Variants in VWC2 observed in about 807,000 individuals in gnomAD.
VWC2 encodes brorin.
In VWC2, 14 loss-of-function variants were observed where a neutral mutation model predicts 29.8. The ratio of observed to expected loss-of-function variants is 0.47; its 90% CI spans 0.31 to 0.74. The LOEUF (loss-of-function observed/expected upper bound fraction) is 0.74. Ranked by LOEUF, VWC2 falls within the 30% of genes least tolerant of loss-of-function variation. The probability of loss-of-function intolerance (pLI) is 0.05; values close to 1 mark genes in which losing one functional copy is unlikely to be tolerated. For synonymous variants in VWC2, 213 were observed against 199.0 expected (o/e 1.07, Z -0.59); for missense variants, 457 against 459.8 (o/e 0.99, Z 0.05).
intron 2 of VWC2, among the ~76,000 whole-genome samples, chr7:49,788,762 G>A (rs971271135): frequency 6.8e-6 from 1 of 146,918 alleles, no homozygotes; most frequent in Non-Finnish European, 1.5e-5. Flanking sequence ...GGGTGTGGGG[G>A]TGTGAGAGAG....
chr7:49,776,011 C>G lies in VWC2; in HGVS notation c.576C>G (p.Cys192Trp). 6.5e-7 allele frequency: 1 copy of G among 1,544,558 alleles called. No homozygotes were observed. The highest frequency in any genetic ancestry group is 8.7e-7 in the Non-Finnish European group (1 of 1,149,540). The part of the protein sequence containing the change: ...EEGPLCAQPE[C>W]PRLHPRCIHV... ...GGCCGCTGTGCGCGCAGCCCGAGTG[C>G]CCGAGGCTGCACCCGCGCTGCATCC... Residue 192 changes from cysteine (C) to tryptophan (W), a missense_variant, in exon 2 of 4, where the codon TGC becomes TGG. This residue lies in a region of VWC2 where 185 missense variants were observed against 257.1 expected (regional missense o/e 0.72). Coordinates refer to ENST00000340652, the MANE Select transcript of VWC2 (RefSeq NM_198570.5).
chr7:49,839,835 G>A (rs1288623452), intron 3 of VWC2, among the ~76,000 whole-genome samples: 5 of 152,326 alleles, frequency 3.3e-5, no homozygotes, highest in South Asian at 2.1e-4. Context: ...AAATCGTGAC[G>A]TCCCATGTCT....
At chr7:49,789,462 T>C (rs1788415326) in intron 2 of VWC2, among the ~76,000 whole-genome samples, 2 of 152,070 alleles carry the variant, frequency 1.3e-5, no homozygotes, top group Non-Finnish European at 2.9e-5. Context: ...ATTACACACT[T>C]AGTTCATGGC....
intron 3 of VWC2, among the ~76,000 whole-genome samples, chr7:49,833,124 G>A (rs931959689): frequency 6.6e-6 from 1 of 152,206 alleles, no homozygotes; most frequent in African/African-American, 2.4e-5. Flanking sequence ...GAGAAAGGAA[G>A]GTTTCCAGGT....
chr7:49,872,073 T>C (rs980791063), intron 3 of VWC2, among the ~76,000 whole-genome samples: 7 of 151,628 alleles, frequency 4.6e-5, no homozygotes, highest in Non-Finnish European at 8.8e-5. Context: ...AGATGAATAA[T>C]ATATATTTAA....
intron 3 of VWC2, among the ~76,000 whole-genome samples, chr7:49,848,265 G>A (rs1284010626): frequency 1.3e-5 from 2 of 152,204 alleles, no homozygotes; most frequent in Admixed American, 6.5e-5. Flanking sequence ...TGTCCAGAGA[G>A]TGTCACCCTC....
intron 3 of VWC2, among the ~76,000 whole-genome samples, chr7:49,867,625 C>T (rs1790957239): frequency 6.6e-6 from 1 of 152,162 alleles, no homozygotes; most frequent in South Asian, 2.1e-4. Context: ...ACATCTGAGG[C>T]ATTCACCCTC....
At chr7:49,812,427 T>C (rs1409155473) in intron 3 of VWC2, among the ~76,000 whole-genome samples, 1 of 152,214 alleles carries the variant, frequency 6.6e-6, no homozygotes, top group South Asian at 2.1e-4. Context: ...TCCTTTATCT[T>C]TCCCCAGAGA....
rs1791354402 is a variant in VWC2 at position 49,875,294 on chromosome 7, C to T, written c.827-36740C>T. ...CTGAGGCAGGAGAATCGCCTGAACC[C>T]AGGAGATGGAGGTTGCAGTGAGCCA... On this transcript the variant is annotated intron_variant, in intron 3 of 3. Coordinates refer to ENST00000340652, the MANE Select transcript of VWC2 (RefSeq NM_198570.5). 3.1e-5 allele frequency among the ~76,000 whole-genome samples: 4 copies of T among 127,294 alleles called. No homozygotes were observed. The South Asian group carries it at 7.7e-4, about 25-fold the overall frequency. The allele number at this position is 127,294 out of a possible 152,430, so 83.5% of individuals were successfully genotyped here.
At position 49,775,710 on chromosome 7, in the gene VWC2, A is replaced by T. The variant is rs1788036316; in HGVS notation, c.275A>T (p.Lys92Met). The T allele has an allele frequency of 1.3e-6, 2 of 1,523,200 alleles. No individual in the cohort carries two copies. Among genetic ancestry groups the T allele is most frequent in the Admixed American group, 2.0e-5 (1 of 48,800 alleles). 94.4% of individuals were successfully genotyped at this position (1,523,200 alleles called of 1,614,324 possible). A position where few individuals can be genotyped will look rare whatever the true frequency, so the allele number is the denominator to read the frequency against. ...CTCGCCGGCCGTGAGCCGTGGAGCA[A>T]GCTGAAGCAGGCCTGGGTCTCCCAG... ...RGLAGREPWS[K>M]LKQAWVSQGG... is the part of the protein sequence containing the mutation. The change falls in exon 2 of 4, where the codon AAG becomes ATG. Residue 92 changes from lysine (K) to methionine (M), a missense_variant. By Grantham distance (95) the Lys-to-Met change is moderately conservative. This residue lies in a region of VWC2 where 272 missense variants were observed against 202.7 expected (regional missense o/e 1.34). Transcript: ENST00000340652.
At chr7:49,823,549 A>G (rs1304948539) in intron 3 of VWC2, among the ~76,000 whole-genome samples, 3 of 152,204 alleles carry the variant, frequency 2.0e-5, no homozygotes, top group Non-Finnish European at 4.4e-5. Flanking sequence ...ATAATTCCAA[A>G]TAAGAAGGTC....
chr7:49,894,956 A>T (rs1219934714), intron 3 of VWC2, among the ~76,000 whole-genome samples: 1 of 152,222 alleles, frequency 6.6e-6, no homozygotes, highest in Admixed American at 6.5e-5. Flanking sequence ...GGGATGGAAG[A>T]TGGCTCTTCC....
intron 3 of VWC2, among the ~76,000 whole-genome samples, chr7:49,875,865 C>G (rs922378010): frequency 6.6e-6 from 1 of 152,116 alleles, no homozygotes; most frequent in African/African-American, 2.4e-5. Context: ...CAAGAGAATC[C>G]TGCTTGGTTT....
chr7:49,821,339 G>C (rs1789257437), intron 3 of VWC2, among the ~76,000 whole-genome samples: 1 of 152,196 alleles, frequency 6.6e-6, no homozygotes, highest in Non-Finnish European at 1.5e-5. Context: ...AATAGTTACA[G>C]TAAGAAGAGG....
chr7:49,873,491 A>T (rs1791262698), intron 3 of VWC2, among the ~76,000 whole-genome samples: 1 of 152,176 alleles, frequency 6.6e-6, no homozygotes, highest in African/African-American at 2.4e-5. Context: ...ATTTCAACAT[A>T]TGAAATCTGG....
At chr7:49,853,393 T>C (rs1248372400) in intron 3 of VWC2, among the ~76,000 whole-genome samples, 1 of 152,218 alleles carries the variant, frequency 6.6e-6, no homozygotes, top group Middle Eastern at 3.2e-3. Context: ...CCTCAGGAGA[T>C]GCTGGCAGCC....
At chr7:49,806,357 A>C (rs1012418406) in intron 3 of VWC2, among the ~76,000 whole-genome samples, 1 of 152,248 alleles carries the variant, frequency 6.6e-6, no homozygotes, top group Non-Finnish European at 1.5e-5. Flanking sequence ...GGACTTTGTC[A>C]GAATTAGCTG....
chr7:49,787,098 C>T (rs1788316558), intron 2 of VWC2, among the ~76,000 whole-genome samples: 1 of 152,106 alleles, frequency 6.6e-6, no homozygotes, highest in African/African-American at 2.4e-5. Flanking sequence ...AGTTCTCAGC[C>T]ACTCACCAAG....
intron 3 of VWC2, among the ~76,000 whole-genome samples, chr7:49,815,875 T>C (rs931131701): frequency 1.2e-4 from 19 of 152,208 alleles, no homozygotes; most frequent in Admixed American, 6.5e-5. Flanking sequence ...CATCCTTTGC[T>C]GTACGCCACA....
Sources: gnomAD v4.1 joint callset for allele counts (sites outside exome capture counted in the v4.1 genomes callset) on GRCh38, gnomAD v4.1.1 for gene constraint, gnomAD v4.1.1 regional missense constraint, MANE v1.5 for transcripts, NCBI Gene and HGNC (gene_info 2026-07-23, HGNC 2026-07-21) for gene names.